Variants in NLRC4 observed in about 807,000 individuals in gnomAD.
The protein encoded by NLRC4 is NLR family CARD domain containing 4, also known as NLR family CARD domain-containing protein 4.
Under a neutral mutation model 79.9 loss-of-function variants are expected in NLRC4, and 63 were observed. That is an observed-to-expected ratio of 0.79 (90% confidence interval 0.64 to 0.97). The LOEUF is 0.97. NLRC4 is among the 50% of genes least tolerant of loss of function. The pLI is 0.00. For synonymous variants in NLRC4, 461 were observed against 456.5 expected (o/e 1.01, Z -0.12); for missense variants, 1,074 against 1,215.2 (o/e 0.88, Z 1.73).
At chr2:32,258,311 T>C (rs1687257979) in intron 1 of NLRC4, among the ~76,000 whole-genome samples, 1 of 152,188 alleles carries the variant, frequency 6.6e-6, no homozygotes, top group African/African-American at 2.4e-5. Flanking sequence ...TGTGTTCCTC[T>C]CGACGTCCAG....
At chr2:32,232,952 T>C (rs1441019017) in intron 8 of NLRC4, among the ~76,000 whole-genome samples, 1 of 151,792 alleles carries the variant, frequency 6.6e-6, no homozygotes, top group Non-Finnish European at 1.5e-5. Context: ...GGGAAGGTCG[T>C]TGAAGAGGAA....
rs779555184 is a variant in NLRC4 at position 32,224,560 on chromosome 2, A to C, written c.2988T>G (p.Phe996Leu). 2 of 1,613,958 alleles carry C rather than the reference A, an allele frequency of 1.2e-6. No individual in the cohort carries two copies. Among genetic ancestry groups the C allele is most frequent in the South Asian group, 2.2e-5 (2 of 91,070 alleles). The change falls in exon 9 of 9, where the codon TTT (phenylalanine) becomes TTG (leucine). Residue 996 changes from phenylalanine to leucine, a missense_variant. Coordinates refer to ENST00000402280, the MANE Select transcript of NLRC4 (RefSeq NM_001199138.2). ...ACCCAACAAGCCTAGCTTCTTGCAG[A>C]AAAGTTAACTTGGATAACACTTGGC... is the stretch of plus-strand genomic sequence containing the variant. ...KLSQVLSKLT[F>L]LQEARLVGWQ...
chr2:32,241,053 TC>T lies in NLRC4; in HGVS notation c.2329del (p.Glu777LysfsTer5). The T allele has an allele frequency of 6.2e-7, 1 of 1,602,044 alleles. No individual in the cohort carries two copies. The highest frequency in any genetic ancestry group is 1.1e-5 in the South Asian group (1 of 90,642). ...CTGACCTAGTTTTATAGCATCTTCT[TC>T]ATTCATCTTTATGTTATCCATTATG... ...KLIMDNIKMN[E>X]EDAIKLAEGL... On this transcript the variant is annotated frameshift_variant, in exon 5 of 9. Coordinates refer to ENST00000402280, the MANE Select transcript of NLRC4 (RefSeq NM_001199138.2). LOFTEE classifies it high-confidence loss of function.
intron 8 of NLRC4, among the ~76,000 whole-genome samples, chr2:32,231,799 A>T (rs1171310391): frequency 2.6e-5 from 4 of 151,930 alleles, no homozygotes; most frequent in Non-Finnish European, 5.9e-5. Flanking sequence ...GGCTCAAGCA[A>T]TCTGCCCACT....
At chr2:32,240,490 G>A (rs1419501497) in intron 5 of NLRC4, among the ~76,000 whole-genome samples, 1 of 151,578 alleles carries the variant, frequency 6.6e-6, no homozygotes, top group Non-Finnish European at 1.5e-5. Context: ...TGGCCTGCAG[G>A]GCCTGGTTCC....
intron 8 of NLRC4, among the ~76,000 whole-genome samples, chr2:32,228,278 T>C (rs1397235709): frequency 6.6e-6 from 1 of 152,138 alleles, no homozygotes; most frequent in African/African-American, 2.4e-5. Flanking sequence ...ATTGGGCTTA[T>C]ATGCTCCAGG....
Position 32,241,140 on chromosome 2 carries a change from A to G in NLRC4, c.2258-15T>C. On this transcript the variant is annotated splice_polypyrimidine_tract_variant and intron_variant, in intron 4 of 8. Coordinates refer to ENST00000402280, the MANE Select transcript of NLRC4 (RefSeq NM_001199138.2). ...AGTCAGACCACCTGTCAAAAGAAAA[A>G]AGATTGGACTCTTTCAGCAGATATT... 6.8e-7 allele frequency: 1 copy of G among 1,474,874 alleles called. No homozygotes were observed. The highest frequency in any genetic ancestry group is 1.4e-5 in the African/African-American group (1 of 71,770). The allele number at this position is 1,474,874 out of a possible 1,614,324, so 91.4% of individuals were successfully genotyped here.
intron 6 of NLRC4, among the ~76,000 whole-genome samples, chr2:32,237,655 G>A (rs146124045): frequency 1.1e-4 from 17 of 152,112 alleles, no homozygotes; most frequent in Non-Finnish European, 2.1e-4. Flanking sequence ...TAGTTTCCCC[G>A]TAGTTGATAT....
chr2:32,236,763 AC>A (rs1434982976), intron 6 of NLRC4, among the ~76,000 whole-genome samples: 10 of 152,304 alleles, frequency 6.6e-5, no homozygotes, highest in African/African-American at 2.2e-4. Context: ...AACAACAACA[AC>A]AAAAATGAAA....
intron 2 of NLRC4, among the ~76,000 whole-genome samples, chr2:32,254,858 T>C (rs981410904): frequency 5.3e-5 from 8 of 151,832 alleles, no homozygotes; most frequent in Non-Finnish European, 1.0e-4. Flanking sequence ...CCTCAGGTGA[T>C]CTGCCCGTCT....
chr2:32,256,041 A>AT (rs1553348165), intron 2 of NLRC4, among the ~76,000 whole-genome samples: 28 of 152,018 alleles, frequency 1.8e-4, no homozygotes, highest in East Asian at 9.6e-4. Flanking sequence ...TACAAAAAAA[A>AT]ATATATATAT....
chr2:32,234,023 G>A (rs1686616280), intron 8 of NLRC4, among the ~76,000 whole-genome samples: 2 of 152,180 alleles, frequency 1.3e-5, no homozygotes, highest in African/African-American at 2.4e-5. Flanking sequence ...TCTGGAGATG[G>A]ATGTTGTGAT....
At chr2:32,265,443 A>T (rs1458889976), upstream of NLRC4, 1 of 152,350 alleles carries the variant, frequency 6.6e-6, no homozygotes, top group African/African-American at 2.4e-5. Flanking sequence ...AGCCTCCCAA[A>T]GTGCTGGGAT....
rs1687217882 is a variant in NLRC4, at chr2:32,256,845, A to G, written c.-70T>C. 1.3e-6 allele frequency: 1 copy of G among 774,228 alleles called. No homozygotes were observed. Among genetic ancestry groups the G allele is most frequent in the Non-Finnish European group, 2.4e-6 (1 of 414,968 alleles). 48.0% of individuals were successfully genotyped at this position (774,228 alleles called of 1,614,324 possible). A position where few individuals can be genotyped will look rare whatever the true frequency, so the allele number is the denominator to read the frequency against. On this transcript the variant is annotated 5_prime_UTR_variant, in exon 2 of 9. Coordinates refer to ENST00000402280, the MANE Select transcript of NLRC4 (RefSeq NM_001199138.2). ...ATATTATTTCCAAATGGAAAGGTCA[A>G]AGGTGATCCCAATATTGTCCTCTTT...
Position 32,236,323 on chromosome 2 carries a change from A to G in NLRC4, c.2538T>C (p.Asn846=). The G allele has an allele frequency of 6.2e-7, 1 of 1,605,394 alleles. No homozygotes were observed. The highest frequency in any genetic ancestry group is 8.5e-7 in the Non-Finnish European group (1 of 1,175,794). ...AATCAAGAATGCTCAGTTTGACCAA[A>G]TTGTGAAGATTCTGAGCTGGGGAAA... is the stretch of plus-strand genomic sequence containing the variant. ...AVKILAQNLH[N]LVKLSILDLS... The change falls in exon 7 of 9, where the codon AAT becomes AAC. Residue 846 remains asparagine, a synonymous_variant. Transcript: ENST00000402280.
At position 32,233,357 on chromosome 2, in the gene NLRC4, T is replaced by A. The variant is rs1260076916; in HGVS notation, c.2782+2044A>T. Among the ~76,000 whole-genome samples the A allele has an allele frequency of 5.5e-3, 684 of 123,324 alleles. 3 individuals carry two copies. The highest frequency in any genetic ancestry group is 0.017 in the African/African-American group (527 of 30,724). The allele number at this position is 123,324 out of a possible 152,430, so 80.9% of individuals were successfully genotyped here. ...TATATATATATATATATATTTTTTT[T>A]TTTTTTTTTTTAATTGTAGAGACGA... On this transcript the variant is annotated intron_variant, in intron 8 of 8. Coordinates refer to ENST00000402280, the MANE Select transcript of NLRC4 (RefSeq NM_001199138.2).
At chr2:32,244,956 G>A (rs751775468) in intron 4 of NLRC4, among the ~76,000 whole-genome samples, 5 of 151,908 alleles carry the variant, frequency 3.3e-5, no homozygotes, top group African/African-American at 1.2e-4. Context: ...GTGAGGTAGC[G>A]AGGTGTGGTG....
At position 32,249,943 on chromosome 2, in the gene NLRC4, C is replaced by T. The variant is rs1464761564; in HGVS notation, c.1921G>A (p.Glu641Lys). ...TGGIHMEEAP[E>K]TYIPSRAVSL... ...ACAGCCCTGCTGGGAATGTAGGTTTCTGGGGCCTCTTCCATGTGGATTCCA... is the reference window on the plus strand; with the variant it reads ...ACAGCCCTGCTGGGAATGTAGGTTTTTGGGGCCTCTTCCATGTGGATTCCA... The change falls in exon 4 of 9, where the codon GAA becomes AAA. Residue 641 changes from glutamate (E) to lysine (K), a missense_variant. Physicochemically the swap from Glu to Lys is moderately conservative, Grantham distance 56. Transcript: ENST00000402280. 3 of 1,614,080 alleles carry T rather than the reference C, an allele frequency of 1.9e-6. No individual in the cohort carries two copies. The highest frequency in any genetic ancestry group is 1.3e-5 in the African/African-American group (1 of 74,930).
rs1687268172 is a variant in NLRC4 at position 32,258,734 on chromosome 2, C to T, written c.-118-1841G>A. Reference sequence around the variant, plus strand: ...CGGATTTCAATTTCCTGGTATGGTCCTGTCATTTCATCCTCCTAGTTGCTT... The same window carrying T: ...CGGATTTCAATTTCCTGGTATGGTCTTGTCATTTCATCCTCCTAGTTGCTT... On this transcript the variant is annotated intron_variant, in intron 1 of 8. Transcript: ENST00000402280. Among the ~76,000 whole-genome samples, 3 of 152,070 alleles carry T rather than the reference C, an allele frequency of 2.0e-5. 1 individual carries two copies. In the South Asian group the frequency reaches 6.2e-4, roughly 32 times the overall value.
Sources: allele counts gnomAD v4.1 joint callset (sites outside exome capture counted in the v4.1 genomes callset), GRCh38; gene constraint gnomAD v4.1.1; transcripts MANE v1.5; gene names NCBI Gene and HGNC (gene_info 2026-07-23, HGNC 2026-07-21).